Variants in SLC25A26 observed in about 807,000 individuals in gnomAD.
The protein encoded by SLC25A26 is mitochondrial S-adenosylmethionine carrier protein.
In SLC25A26, 36 loss-of-function variants were observed where a neutral mutation model predicts 37.8. That is an observed-to-expected ratio of 0.95 (90% CI 0.73 to 1.26). SLC25A26 has a LOEUF of 1.26. SLC25A26 is among the 50% of genes most tolerant of loss of function. The pLI, the probability that SLC25A26 is intolerant of heterozygous loss-of-function variation, is 0.00. For missense variants in SLC25A26, 390 were observed against 331.1 expected (o/e 1.18, Z -1.38); for synonymous variants, 129 against 122.5 (o/e 1.05, Z -0.35).
chr3:66,287,244 C>T (rs2074545227), intron 5 of SLC25A26, among the ~76,000 whole-genome samples: 2 of 151,558 alleles, frequency 1.3e-5, no homozygotes, highest in Admixed American at 1.3e-4. Context: ...TGCAGTTAGC[C>T]CAGATCACGC....
At chr3:66,219,726 C>T (rs1486775020), upstream of SLC25A26, among the ~76,000 whole-genome samples, 2 of 152,102 alleles carry the variant, frequency 1.3e-5, no homozygotes, top group Non-Finnish European at 1.5e-5. Context: ...CCATTGGCAG[C>T]AGAGGGGAGT....
chr3:66,320,585 C>G (rs528966205), intron 5 of SLC25A26, among the ~76,000 whole-genome samples: 2 of 152,074 alleles, frequency 1.3e-5, no homozygotes, highest in Non-Finnish European at 2.9e-5. Context: ...GCTTTTAATT[C>G]TTTTGGGTGT....
intron 5 of SLC25A26, among the ~76,000 whole-genome samples, chr3:66,306,271 C>T (rs1337652928): frequency 3.9e-5 from 6 of 152,160 alleles, no homozygotes; most frequent in South Asian, 4.1e-4. Flanking sequence ...TAAGCCACTG[C>T]GCCTGGTCTG....
At chr3:66,307,426 T>C (rs1350142550) in intron 5 of SLC25A26, among the ~76,000 whole-genome samples, 1 of 152,226 alleles carries the variant, frequency 6.6e-6, no homozygotes. Flanking sequence ...ATGGATAGAT[T>C]GCAAAATTTT....
intron 5 of SLC25A26, among the ~76,000 whole-genome samples, chr3:66,294,043 C>A (rs2074810637): frequency 6.6e-6 from 1 of 151,654 alleles, no homozygotes; most frequent in South Asian, 2.1e-4. Flanking sequence ...TAGTTTTTTT[C>A]TAGTTCCGTG....
intron 1 of SLC25A26, among the ~76,000 whole-genome samples, chr3:66,162,395 C>A (rs1365277934): frequency 6.9e-6 from 1 of 145,778 alleles, no homozygotes; most frequent in African/African-American, 2.6e-5. Flanking sequence ...CACAACTGAG[C>A]CAAAAACACA....
chr3:66,345,005 G>A (rs2076287766), intron 5 of SLC25A26, among the ~76,000 whole-genome samples: 1 of 152,196 alleles, frequency 6.6e-6, no homozygotes, highest in Non-Finnish European at 1.5e-5. Context: ...AGCATGTGTT[G>A]TGAGGATTCA....
intron 9 of SLC25A26, among the ~76,000 whole-genome samples, chr3:66,373,675 AT>A (rs11316750): frequency 0.45 from 65,357 of 143,744 alleles, 16,848 homozygotes; most frequent in African/African-American, 0.74. Flanking sequence ...CATGATGCTG[AT>A]TTTTTTTTTT....
chr3:66,261,477 T>C (rs566406943), intron 3 of SLC25A26: 2 of 152,592 alleles, frequency 1.3e-5, no homozygotes, highest in African/African-American at 4.8e-5. Context: ...ATTAGAATCA[T>C]ATATTGGCTG....
At chr3:66,280,174 G>A (rs2074289115) in intron 5 of SLC25A26, among the ~76,000 whole-genome samples, 2 of 152,168 alleles carry the variant, frequency 1.3e-5, no homozygotes, top group South Asian at 4.1e-4. Context: ...ATGAAGTGAA[G>A]ACACCAAAGG....
intron 5 of SLC25A26, among the ~76,000 whole-genome samples, chr3:66,327,497 G>C (rs1388020099): frequency 6.6e-6 from 1 of 151,942 alleles, no homozygotes; most frequent in African/African-American, 2.4e-5. Context: ...TTGTTAACCA[G>C]TTCTCCAAAA....
At chr3:66,140,027 A>C (rs2070010907) in intron 1 of SLC25A26, among the ~76,000 whole-genome samples, 1 of 152,212 alleles carries the variant, frequency 6.6e-6, no homozygotes, top group African/African-American at 2.4e-5. Flanking sequence ...TTACTAACTT[A>C]CTGGCTCATG....
chr3:66,355,566 C>T (rs1368034964), intron 6 of SLC25A26, among the ~76,000 whole-genome samples: 1 of 152,158 alleles, frequency 6.6e-6, no homozygotes, highest in Non-Finnish European at 1.5e-5. Context: ...GAATGAAAGC[C>T]AAATTGTGGT....
chr3:66,365,377 T>C (rs1269704241), intron 7 of SLC25A26, among the ~76,000 whole-genome samples: 1 of 152,238 alleles, frequency 6.6e-6, no homozygotes, highest in Non-Finnish European at 1.5e-5. Context: ...CCCGTGATCT[T>C]GGAGGTGTTG....
rs772324707 is a variant in SLC25A26 at position 66,377,720 on chromosome 3, A to C, written c.738A>C (p.Ala246=). Reference sequence around the variant, plus strand: ...TTGCAGGTGTCTTCCCTCGAATGGCAGCCATCAGTCTGGGAGGTTTCATCT... The same window carrying C: ...TTGCAGGTGTCTTCCCTCGAATGGCCGCCATCAGTCTGGGAGGTTTCATCT... ...GLFAGVFPRM[A]AISLGGFIFL... Residue 246 remains alanine (A), a synonymous_variant, in exon 10 of 10, where the codon GCA becomes GCC. Coordinates refer to ENST00000354883, the MANE Select transcript of SLC25A26 (RefSeq NM_001379210.1). 1 of 1,613,850 alleles carries C rather than the reference A, an allele frequency of 6.2e-7. No individual in the cohort carries two copies. The highest frequency in any genetic ancestry group is 8.5e-7 in the Non-Finnish European group (1 of 1,179,832).
At chr3:66,355,992 T>G (rs1465595328) in intron 6 of SLC25A26, 2 of 455,578 alleles carry the variant, frequency 4.4e-6, no homozygotes, top group Non-Finnish European at 4.4e-6. Context: ...TTTTACTACA[T>G]GTATAAAAAG....
intron 5 of SLC25A26, among the ~76,000 whole-genome samples, chr3:66,318,731 A>G (rs2075611101): frequency 6.6e-6 from 1 of 151,882 alleles, no homozygotes; most frequent in African/African-American, 2.4e-5. Context: ...GTCTCATCAT[A>G]GCTCACTACA....
chr3:66,210,597 C>T (rs1490197447), intron 1 of SLC25A26, among the ~76,000 whole-genome samples: 2 of 152,160 alleles, frequency 1.3e-5, no homozygotes, highest in Admixed American at 1.3e-4. Context: ...TCACTGCAGC[C>T]TTGACCTCCA....
chr3:66,244,293 G>C (rs77770909), intron 3 of SLC25A26, among the ~76,000 whole-genome samples: 1 of 152,142 alleles, frequency 6.6e-6, no homozygotes, highest in African/African-American at 2.4e-5. Context: ...TAACAAGCCC[G>C]AACCTGCACT....
Sources: allele counts gnomAD v4.1 joint callset (sites outside exome capture counted in the v4.1 genomes callset), GRCh38; gene constraint gnomAD v4.1.1; transcripts MANE v1.5; gene names NCBI Gene and HGNC (gene_info 2026-07-23, HGNC 2026-07-21).